SPATA17: variants seen among roughly 807,000 people sequenced by gnomAD.
The protein encoded by SPATA17 is spermatogenesis-associated protein 17.
A neutral mutation model predicts 62.2 loss-of-function variants in SPATA17; 53 were observed. That is an observed-to-expected ratio of 0.85 (90% CI 0.68 to 1.07). The LOEUF (loss-of-function observed/expected upper bound fraction) is 1.07. Ranked by LOEUF, SPATA17 falls within the 50% of genes least tolerant of loss-of-function variation. The probability of loss-of-function intolerance (pLI) is 0.00; values close to 1 mark genes in which losing one functional copy is unlikely to be tolerated. For synonymous variants in SPATA17, 146 were observed against 146.8 expected (o/e 0.99, Z 0.04); for missense variants, 466 against 425.5 (o/e 1.10, Z -0.84).
At chr1:217,668,747 T>C (rs1294948758) in intron 3 of SPATA17, among the ~76,000 whole-genome samples, 1 of 152,190 alleles carries the variant, frequency 6.6e-6, no homozygotes, top group Non-Finnish European at 1.5e-5. Flanking sequence ...TGCTTTGTTA[T>C]TCTATTCTCA....
intron 4 of SPATA17, among the ~76,000 whole-genome samples, chr1:217,680,621 T>A (rs1671057310): frequency 6.6e-6 from 1 of 152,096 alleles, no homozygotes; most frequent in Admixed American, 6.5e-5. Flanking sequence ...TACTACTAGT[T>A]TCACTTTCTA....
chr1:217,738,787 A>G (rs1481181424), intron 5 of SPATA17, among the ~76,000 whole-genome samples: 1 of 152,186 alleles, frequency 6.6e-6, no homozygotes, highest in Non-Finnish European at 1.5e-5. Context: ...CACTATCTCT[A>G]CTAAAAATAC....
intron 10 of SPATA17, among the ~76,000 whole-genome samples, chr1:217,863,695 C>T (rs1390124064): frequency 1.3e-5 from 2 of 152,086 alleles, no homozygotes; most frequent in Non-Finnish European, 2.9e-5. Context: ...AATAAACTCT[C>T]AATGAATACT....
At chr1:217,836,176 G>T (rs534769662) in intron 9 of SPATA17, among the ~76,000 whole-genome samples, 1 of 152,252 alleles carries the variant, frequency 6.6e-6, no homozygotes, top group African/African-American at 2.4e-5. Flanking sequence ...TGTGCAGTGA[G>T]CAGGAAGAAT....
intron 6 of SPATA17, among the ~76,000 whole-genome samples, chr1:217,748,162 G>C (rs1244814491): frequency 2.0e-5 from 3 of 151,982 alleles, no homozygotes. Context: ...AATTAGCCAG[G>C]CATGGTGGCG....
rs1224476203 is a variant in SPATA17, at chr1:217,775,909, TA to T, written c.723+1373del. On this transcript the variant is annotated intron_variant, in intron 7 of 10. Coordinates refer to ENST00000366933, the MANE Select transcript of SPATA17 (RefSeq NM_138796.4). ...TTGAATAAGAAGTTAAAACATGGAT[TA>T]TTTCCTAGAATCTAGATTTTTTATG... 2.6e-5 allele frequency among the ~76,000 whole-genome samples: 4 copies of T among 152,258 alleles called. No homozygotes were observed. In the South Asian group the frequency reaches 6.2e-4, roughly 24 times the overall value.
chr1:217,681,193 C>T (rs551484186), intron 4 of SPATA17, among the ~76,000 whole-genome samples: 22 of 150,760 alleles, frequency 1.5e-4, no homozygotes, highest in Non-Finnish European at 2.1e-4. Flanking sequence ...CGCCACTGCA[C>T]TCCAGCCTGG....
chr1:217,647,579 A>G (rs529969967), intron 1 of SPATA17, among the ~76,000 whole-genome samples: 5 of 152,308 alleles, frequency 3.3e-5, no homozygotes, highest in African/African-American at 1.2e-4. Flanking sequence ...TTATGAAGCT[A>G]TCAGAGTGTA....
intron 1 of SPATA17, among the ~76,000 whole-genome samples, chr1:217,640,296 A>T (rs1670031250): frequency 6.6e-6 from 1 of 152,062 alleles, no homozygotes; most frequent in African/African-American, 2.4e-5. Flanking sequence ...AAGAAGTAAA[A>T]TTGTCTTTAT....
intron 5 of SPATA17, among the ~76,000 whole-genome samples, chr1:217,722,844 T>C (rs182598269): frequency 2.6e-4 from 39 of 152,320 alleles, no homozygotes; most frequent in African/African-American, 9.1e-4. Context: ...ACTTTTTTTT[T>C]TCCTGCTGAG....
chr1:217,828,375 T>C (rs1357438619), intron 9 of SPATA17, among the ~76,000 whole-genome samples: 2 of 151,096 alleles, frequency 1.3e-5, no homozygotes, highest in African/African-American at 2.4e-5. Flanking sequence ...GATTTCCAAA[T>C]GCAAAAGAAT....
At chr1:217,633,119 A>G (rs944304186) in intron 1 of SPATA17, among the ~76,000 whole-genome samples, 1 of 152,074 alleles carries the variant, frequency 6.6e-6, no homozygotes, top group Non-Finnish European at 1.5e-5. Context: ...AATCAGTTGA[A>G]CCCAGGAGGC....
chr1:217,779,161 T>C (rs897331660), intron 7 of SPATA17, among the ~76,000 whole-genome samples: 8 of 151,576 alleles, frequency 5.3e-5, no homozygotes, highest in African/African-American at 1.9e-4. Flanking sequence ...TGTGTGTGTG[T>C]GTGTGTGTGT....
chr1:217,787,722 A>AT (rs1673904200), intron 8 of SPATA17, among the ~76,000 whole-genome samples: 1 of 152,114 alleles, frequency 6.6e-6, no homozygotes, highest in South Asian at 2.1e-4. Context: ...TACATGTGCA[A>AT]TTATTAAACG....
chr1:217,651,067 A>T (rs1466940141), intron 2 of SPATA17, 30 bp from the exon 3 acceptor site: 1 of 1,496,368 alleles, frequency 6.7e-7, no homozygotes, highest in South Asian at 1.2e-5. Context: ...CAATGAAAGG[A>T]TACTAATAAG....
intron 6 of SPATA17, among the ~76,000 whole-genome samples, chr1:217,761,411 C>G (rs757843962): frequency 6.6e-6 from 1 of 152,158 alleles, no homozygotes; most frequent in Non-Finnish European, 1.5e-5. Context: ...CTCTTCCTTC[C>G]CGATACTGCT....
intron 1 of SPATA17, among the ~76,000 whole-genome samples, chr1:217,640,072 T>G (rs1670024765): frequency 2.0e-5 from 3 of 149,792 alleles, no homozygotes; most frequent in Non-Finnish European, 3.0e-5. Flanking sequence ...TTATAATTAT[T>G]TATAATTTAT....
chr1:217,705,430 CTTTTTTTTTT>C (rs58138326), intron 5 of SPATA17, among the ~76,000 whole-genome samples: 66 of 46,624 alleles, frequency 1.4e-3, no homozygotes, highest in South Asian at 7.1e-3. Context: ...TTCTAGTTGT[CTTTTTTTTTT>C]TTTTTTTTTT....
chr1:217,757,823 A>C (rs1673085166), intron 6 of SPATA17, among the ~76,000 whole-genome samples: 2 of 152,218 alleles, frequency 1.3e-5, no homozygotes, highest in Non-Finnish European at 2.9e-5. Flanking sequence ...AACAAGTGGA[A>C]GAAGACCTGA....
Sources: allele counts gnomAD v4.1 joint callset (sites outside exome capture counted in the v4.1 genomes callset), GRCh38; gene constraint gnomAD v4.1.1; transcripts MANE v1.5; gene names NCBI Gene and HGNC (gene_info 2026-07-23, HGNC 2026-07-21).